DDX10: variants seen among roughly 807,000 people sequenced by gnomAD.
DDX10 encodes the protein DEAD-box helicase 10.
A neutral mutation model predicts 104.3 loss-of-function variants in DDX10; 74 were observed. The observed-to-expected ratio is 0.71, with a 90% CI of 0.59 to 0.86. The LOEUF is 0.86. Ranked by LOEUF, DDX10 falls within the 40% of genes least tolerant of loss-of-function variation. The pLI is 0.00. For synonymous variants in DDX10, 351 were observed against 353.4 expected (o/e 0.99, Z 0.08); for missense variants, 952 against 1,040.0 (o/e 0.92, Z 1.16).
At chr11:108,711,371 C>T (rs779122817) in intron 10 of DDX10, among the ~76,000 whole-genome samples, 5 of 152,204 alleles carry the variant, frequency 3.3e-5, no homozygotes, top group Non-Finnish European at 2.9e-5. Flanking sequence ...TTTGATCTGT[C>T]GCCCAGGCTG....
intron 13 of DDX10, among the ~76,000 whole-genome samples, chr11:108,828,849 C>G (rs1486736535): frequency 1.3e-5 from 2 of 152,148 alleles, no homozygotes; most frequent in Non-Finnish European, 2.9e-5. Flanking sequence ...GTCTTGAACT[C>G]CCGACGTCAG....
intron 6 of DDX10, among the ~76,000 whole-genome samples, chr11:108,685,836 CA>C (rs2094243220): frequency 6.6e-6 from 1 of 152,100 alleles, no homozygotes; most frequent in African/African-American, 2.4e-5. Context: ...AGGATAATAC[CA>C]ATATTATTAC....
At chr11:108,797,299 T>C (rs1466008641) in intron 13 of DDX10, among the ~76,000 whole-genome samples, 1 of 152,174 alleles carries the variant, frequency 6.6e-6, no homozygotes, top group Non-Finnish European at 1.5e-5. Context: ...CCCAAAGTGT[T>C]GGGATTACAG....
chr11:108,677,092 A>C lies in DDX10; in HGVS notation c.386A>C (p.Glu129Ala), dbSNP rs1399599021. The change falls in exon 4 of 18, where the codon GAA (glutamate) becomes GCA (alanine). Residue 129 changes from glutamate to alanine, a missense_variant. Glu to Ala is a moderately radical substitution (Grantham distance 107, BLOSUM62 -1). Transcript: ENST00000322536. ...ATTTGCTGTCTTTTTGAGGTGCTGG[A>C]AGCCTTATATCGTCTGCAATGGACT... is the stretch of plus-strand genomic sequence containing the variant. ...KTLAFLVPVLEALYRLQWTST... is the reference protein window; with the variant it reads ...KTLAFLVPVLAALYRLQWTST... 2 of 1,606,132 alleles carry C rather than the reference A, an allele frequency of 1.2e-6. No homozygotes were observed. The highest frequency in any genetic ancestry group is 1.7e-6 in the Non-Finnish European group (2 of 1,174,874).
chr11:108,686,666 T>G (rs1189798782), intron 6 of DDX10, among the ~76,000 whole-genome samples: 1 of 152,232 alleles, frequency 6.6e-6, no homozygotes, highest in Non-Finnish European at 1.5e-5. Context: ...TTGATTGCCT[T>G]CAAGTTTTGG....
chr11:108,774,120 G>C (rs940967826), intron 13 of DDX10, among the ~76,000 whole-genome samples: 5 of 152,212 alleles, frequency 3.3e-5, no homozygotes, highest in African/African-American at 9.6e-5. Flanking sequence ...GAGAAATCAG[G>C]CTTGTTGTCT....
intron 10 of DDX10, among the ~76,000 whole-genome samples, chr11:108,712,223 C>T (rs2094285352): frequency 6.6e-6 from 1 of 152,178 alleles, no homozygotes; most frequent in Non-Finnish European, 1.5e-5. Context: ...AGACAACATA[C>T]AGTTGGGTCT....
chr11:108,925,135 G>C (rs1357768546), intron 17 of DDX10, among the ~76,000 whole-genome samples: 1 of 152,164 alleles, frequency 6.6e-6, no homozygotes, highest in Non-Finnish European at 1.5e-5. Context: ...AAACTCCTGA[G>C]GCAGATTGTT....
intron 13 of DDX10, among the ~76,000 whole-genome samples, chr11:108,833,981 T>C (rs1224663172): frequency 6.6e-6 from 1 of 152,186 alleles, no homozygotes; most frequent in African/African-American, 2.4e-5. Flanking sequence ...TTTGAAACAG[T>C]ATCTTGCTCT....
chr11:108,800,065 G>A (rs1861997808), intron 13 of DDX10, among the ~76,000 whole-genome samples: 1 of 151,972 alleles, frequency 6.6e-6, no homozygotes, highest in South Asian at 2.1e-4. Context: ...AGCCTCCCGA[G>A]CAGCTGGGAT....
chr11:108,804,811 A>C (rs916716233), intron 13 of DDX10, among the ~76,000 whole-genome samples: 12 of 152,174 alleles, frequency 7.9e-5, no homozygotes, highest in Non-Finnish European at 1.5e-4. Flanking sequence ...CTATGGACTA[A>C]ATGGCCCCTG....
chr11:108,728,501 G>GTTTTTTT (rs1565260503), intron 13 of DDX10, among the ~76,000 whole-genome samples: 19 of 66,912 alleles, frequency 2.8e-4, no homozygotes, highest in African/African-American at 1.4e-3. Context: ...ATACACATTT[G>GTTTTTTT]TTCTTTTTTT....
chr11:108,903,882 C>T (rs781450922), intron 16 of DDX10, among the ~76,000 whole-genome samples: 4 of 151,866 alleles, frequency 2.6e-5, no homozygotes, highest in South Asian at 2.1e-4. Context: ...CTGCTATGAA[C>T]GTTTATGTGC....
chr11:108,748,641 T>C (rs550531433), intron 13 of DDX10, among the ~76,000 whole-genome samples: 1 of 152,286 alleles, frequency 6.6e-6, no homozygotes, highest in East Asian at 1.9e-4. Flanking sequence ...GATAGTGTTC[T>C]TGCTAATTAC....
intron 10 of DDX10, among the ~76,000 whole-genome samples, chr11:108,710,395 T>C (rs1424634615): frequency 6.6e-6 from 1 of 152,224 alleles, no homozygotes; most frequent in Non-Finnish European, 1.5e-5. Flanking sequence ...ATATTTTCTT[T>C]ATATCTTTAC....
chr11:108,803,020 A>T (rs1445255471), intron 13 of DDX10, among the ~76,000 whole-genome samples: 1 of 152,238 alleles, frequency 6.6e-6, no homozygotes, highest in East Asian at 1.9e-4. Flanking sequence ...AGGCAATTGG[A>T]ATTGAATGTA....
intron 13 of DDX10, among the ~76,000 whole-genome samples, chr11:108,739,451 G>A (rs2094322463): frequency 6.6e-6 from 1 of 152,152 alleles, no homozygotes; most frequent in African/African-American, 2.4e-5. Flanking sequence ...GCATACTGCT[G>A]TCATACCTGT....
chr11:108,829,100 A>G (rs1188708588), intron 13 of DDX10, among the ~76,000 whole-genome samples: 1 of 152,218 alleles, frequency 6.6e-6, no homozygotes. Context: ...TCCTCTGGGT[A>G]GATACCTAAT....
chr11:108,861,140 G>T (rs984383751), intron 16 of DDX10, among the ~76,000 whole-genome samples: 2 of 151,112 alleles, frequency 1.3e-5, no homozygotes, highest in African/African-American at 2.4e-5. Flanking sequence ...TCAGCTGCCA[G>T]CGAATATAAA....
Sources: allele counts gnomAD v4.1 joint callset (sites outside exome capture counted in the v4.1 genomes callset), GRCh38; gene constraint gnomAD v4.1.1; transcripts MANE v1.5; gene names NCBI Gene and HGNC (gene_info 2026-07-23, HGNC 2026-07-21).